ITGA1: variants seen among roughly 807,000 people sequenced by gnomAD.
The protein encoded by ITGA1 is integrin subunit alpha 1, also known as integrin alpha-1.
In ITGA1, 85 loss-of-function variants were observed where a neutral mutation model predicts 145.9. That is an observed-to-expected ratio of 0.58 (90% CI 0.49 to 0.70). The LOEUF (loss-of-function observed/expected upper bound fraction) is 0.70. Ranked by LOEUF, ITGA1 falls within the 30% of genes least tolerant of loss-of-function variation. The probability of loss-of-function intolerance (pLI) is 0.00; values close to 1 mark genes in which losing one functional copy is unlikely to be tolerated. For synonymous variants in ITGA1, 520 were observed against 495.3 expected (o/e 1.05, Z -0.66); for missense variants, 1,351 against 1,418.7 (o/e 0.95, Z 0.77).
intron 1 of ITGA1, among the ~76,000 whole-genome samples, chr5:52,834,375 G>C (rs1749122183): frequency 6.6e-6 from 1 of 151,980 alleles, no homozygotes; most frequent in Admixed American, 6.6e-5. Flanking sequence ...TCTTGTAAAT[G>C]GCCATCTTCT....
chr5:52,932,978 T>G (rs1750914174), intron 22 of ITGA1: 1 of 152,064 alleles, frequency 6.6e-6, no homozygotes, highest in African/African-American at 2.4e-5. Context: ...CACATGCTTT[T>G]TTTTTTCTTT....
chr5:52,810,664 C>T (rs1299532363), intron 1 of ITGA1, among the ~76,000 whole-genome samples: 2 of 152,150 alleles, frequency 1.3e-5, no homozygotes, highest in Non-Finnish European at 2.9e-5. Flanking sequence ...CACTATCTGC[C>T]TCATTAAATA....
At chr5:52,897,616 C>A in intron 10 of ITGA1, 88 bp downstream of exon 10, 1 of 865,822 alleles carries the variant, frequency 1.2e-6, no homozygotes, top group Non-Finnish European at 1.9e-6. Context: ...TATGTAAGTG[C>A]AACGTGCAGT....
intron 23 of ITGA1, among the ~76,000 whole-genome samples, chr5:52,937,046 GT>G (rs1325320663): frequency 8.6e-6 from 1 of 116,270 alleles, no homozygotes. Flanking sequence ...AGACTGGTAT[GT>G]TAAAAAAAAA....
In ITGA1 at chr5:52,788,067, C is replaced by G; in HGVS notation, c.-287C>G. 1 of 384,504 alleles carries G rather than the reference C, an allele frequency of 2.6e-6. No individual in the cohort carries two copies. Among genetic ancestry groups the G allele is most frequent in the Non-Finnish European group, 4.7e-6 (1 of 214,502 alleles). The allele number at this position is 384,504 out of a possible 1,614,324, so 23.8% of individuals were successfully genotyped here. ...AAGCTGGCTTTATTTGTCCATGTCT[C>G]GGACAGAGCCTGGGAAGCTGCCAGT... On this transcript the variant is annotated 5_prime_UTR_variant, in exon 1 of 29. Transcript: ENST00000282588.
chr5:52,877,452 C>G (rs1052449823), intron 6 of ITGA1, among the ~76,000 whole-genome samples: 5 of 152,224 alleles, frequency 3.3e-5, no homozygotes, highest in Non-Finnish European at 5.9e-5. Context: ...GCAGAAGATG[C>G]CTTCCATAAA....
At chr5:52,863,676 G>GAGTT (rs1749641582) in intron 3 of ITGA1, among the ~76,000 whole-genome samples, 1 of 151,988 alleles carries the variant, frequency 6.6e-6, no homozygotes, top group South Asian at 2.1e-4. Flanking sequence ...GTTTTGTTAG[G>GAGTT]AGTTACTCCT....
chr5:52,910,922 ATAG>A (rs1750501226), intron 14 of ITGA1, among the ~76,000 whole-genome samples: 1 of 138,756 alleles, frequency 7.2e-6, no homozygotes, highest in Non-Finnish European at 1.5e-5. Flanking sequence ...TATACTATAT[ATAG>A]TATATATGGT....
chr5:52,906,866 A>T (rs1057224127), intron 12 of ITGA1, among the ~76,000 whole-genome samples: 2 of 152,174 alleles, frequency 1.3e-5, no homozygotes, highest in African/African-American at 4.8e-5. Context: ...GGATACTCAC[A>T]TTAGGCAGGT....
intron 2 of ITGA1, among the ~76,000 whole-genome samples, chr5:52,852,504 A>G (rs1378103569): frequency 6.6e-6 from 1 of 152,206 alleles, no homozygotes; most frequent in African/African-American, 2.4e-5. Flanking sequence ...GAAATGGTCA[A>G]TGAAGGTGTA....
chr5:52,913,888 T>C (rs968037777), intron 14 of ITGA1, among the ~76,000 whole-genome samples: 1 of 152,178 alleles, frequency 6.6e-6, no homozygotes, highest in East Asian at 1.9e-4. Flanking sequence ...TGATAAATAA[T>C]TTGTTTCTGT....
chr5:52,874,907 A>G (rs1749841511), intron 6 of ITGA1, among the ~76,000 whole-genome samples: 1 of 152,186 alleles, frequency 6.6e-6, no homozygotes, highest in Admixed American at 6.5e-5. Flanking sequence ...GTTGTAGAAC[A>G]TTGTTTCCCA....
intron 1 of ITGA1, among the ~76,000 whole-genome samples, chr5:52,822,210 T>C (rs1748889812): frequency 6.6e-6 from 1 of 152,204 alleles, no homozygotes; most frequent in Non-Finnish European, 1.5e-5. Context: ...ACAAGGATCA[T>C]TATTAACATT....
intron 1 of ITGA1, among the ~76,000 whole-genome samples, chr5:52,820,039 G>T (rs931196093): frequency 7.3e-6 from 1 of 136,500 alleles, no homozygotes; most frequent in Admixed American, 7.2e-5. Flanking sequence ...TGCTGTTTTG[G>T]TTACTGTAGC....
chr5:52,847,995 A>G (rs1281305117), intron 1 of ITGA1, among the ~76,000 whole-genome samples: 1 of 152,242 alleles, frequency 6.6e-6, no homozygotes, highest in African/African-American at 2.4e-5. Flanking sequence ...TTACTTACTA[A>G]GAGTTTCCAC....
chr5:52,874,763 T>A (rs1317331755), intron 6 of ITGA1, among the ~76,000 whole-genome samples: 3 of 152,164 alleles, frequency 2.0e-5, no homozygotes, highest in Non-Finnish European at 1.5e-5. Context: ...GATTCTAAAA[T>A]CTTCCAATTT....
At chr5:52,823,556 T>C (rs1412301048) in intron 1 of ITGA1, among the ~76,000 whole-genome samples, 1 of 152,202 alleles carries the variant, frequency 6.6e-6, no homozygotes, top group East Asian at 1.9e-4. Flanking sequence ...TCTTATTCTC[T>C]TGGGCATCTC....
At chr5:52,930,447 A>C (rs1482473445) in intron 21 of ITGA1, among the ~76,000 whole-genome samples, 1 of 152,196 alleles carries the variant, frequency 6.6e-6, no homozygotes, top group Admixed American at 6.5e-5. Flanking sequence ...AGGAATATAA[A>C]AATTACTAAG....
chr5:52,857,035 C>T (rs1222472368), intron 2 of ITGA1, among the ~76,000 whole-genome samples: 1 of 152,154 alleles, frequency 6.6e-6, no homozygotes, highest in Non-Finnish European at 1.5e-5. Flanking sequence ...CTTTCAAAAA[C>T]AGGTAAAATG....
Sources: allele counts gnomAD v4.1 joint callset (sites outside exome capture counted in the v4.1 genomes callset), GRCh38; gene constraint gnomAD v4.1.1; transcripts MANE v1.5; gene names NCBI Gene and HGNC (gene_info 2026-07-23, HGNC 2026-07-21).